Variants in PCDH9 observed in about 807,000 individuals in gnomAD.
PCDH9 encodes protocadherin-9.
A neutral mutation model predicts 70.6 loss-of-function variants in PCDH9; 24 were observed. The ratio of observed to expected loss-of-function variants is 0.34; its 90% CI spans 0.25 to 0.48. The LOEUF (loss-of-function observed/expected upper bound fraction) is 0.48, where lower values mean the gene tolerates loss of function less well. Ranked by LOEUF, PCDH9 falls within the 20% of genes least tolerant of loss-of-function variation. The probability of loss-of-function intolerance (pLI) is 0.99; values close to 1 mark genes in which losing one functional copy is unlikely to be tolerated. For missense variants in PCDH9, 1,281 were observed against 1,503.6 expected (o/e 0.85, Z 2.45); for synonymous variants, 562 against 558.5 (o/e 1.01, Z -0.09).
At chr13:66,592,398 TA>T (rs2077049906) in intron 4 of PCDH9, among the ~76,000 whole-genome samples, 1 of 151,716 alleles carries the variant, frequency 6.6e-6, no homozygotes, top group African/African-American at 2.4e-5. Context: ...ATTTAATAGT[TA>T]ATTGATGGTT....
intron 2 of PCDH9, among the ~76,000 whole-genome samples, chr13:67,190,243 G>T (rs1201392954): frequency 6.6e-6 from 1 of 151,868 alleles, no homozygotes; most frequent in Non-Finnish European, 1.5e-5. Flanking sequence ...TATACTATGG[G>T]TGCTATGCTT....
At chr13:66,938,836 T>C (rs9540949) in intron 2 of PCDH9, among the ~76,000 whole-genome samples, 24,307 of 152,112 alleles carry the variant, frequency 0.16, 2,134 homozygotes, top group Non-Finnish European at 0.18. Context: ...AAACTTCATA[T>C]ATGTAGATCA....
intron 2 of PCDH9, among the ~76,000 whole-genome samples, chr13:67,150,868 C>G (rs369625398): frequency 6.6e-6 from 1 of 152,254 alleles, no homozygotes; most frequent in South Asian, 2.1e-4. Context: ...TCTTTAATCC[C>G]TTTTAATCCA....
intron 4 of PCDH9, among the ~76,000 whole-genome samples, chr13:66,305,269 A>G (rs1004947540): frequency 6.6e-6 from 1 of 152,074 alleles, no homozygotes; most frequent in Non-Finnish European, 1.5e-5. Context: ...TTAGTTATTT[A>G]GATCCAAAGA....
intron 3 of PCDH9, among the ~76,000 whole-genome samples, chr13:66,654,285 T>G (rs1490272118): frequency 1.3e-5 from 2 of 152,040 alleles, no homozygotes; most frequent in African/African-American, 4.8e-5. Context: ...CTCATGGAGA[T>G]AGAGCGTAGA....
intron 4 of PCDH9, among the ~76,000 whole-genome samples, chr13:66,511,222 T>C (rs894144669): frequency 1.3e-5 from 2 of 152,120 alleles, no homozygotes; most frequent in Admixed American, 6.6e-5. Context: ...ATACAAAAAT[T>C]TTTATATTAG....
At chr13:66,453,954 G>A (rs1349839044) in intron 4 of PCDH9, among the ~76,000 whole-genome samples, 1 of 151,968 alleles carries the variant, frequency 6.6e-6, no homozygotes, top group African/African-American at 2.4e-5. Flanking sequence ...TATGATATTT[G>A]TCTTAGGAAT....
At chr13:66,744,962 T>G (rs1372512674) in intron 3 of PCDH9, among the ~76,000 whole-genome samples, 1 of 152,204 alleles carries the variant, frequency 6.6e-6, no homozygotes, top group Admixed American at 6.5e-5. Flanking sequence ...ATTTGTACAT[T>G]CACCTATATG....
At chr13:66,548,889 GT>G (rs1961341486) in intron 4 of PCDH9, among the ~76,000 whole-genome samples, 1 of 151,920 alleles carries the variant, frequency 6.6e-6, no homozygotes, top group African/African-American at 2.4e-5. Flanking sequence ...CATCGATAAT[GT>G]TTTTTATTAA....
At chr13:67,006,380 T>A (rs1410087120) in intron 2 of PCDH9, among the ~76,000 whole-genome samples, 1 of 152,246 alleles carries the variant, frequency 6.6e-6, no homozygotes, top group Non-Finnish European at 1.5e-5. Context: ...AAGAGGCTTC[T>A]GTGATAATCT....
intron 3 of PCDH9, among the ~76,000 whole-genome samples, chr13:66,890,215 T>C (rs1025912236): frequency 6.6e-6 from 1 of 152,168 alleles, no homozygotes; most frequent in Non-Finnish European, 1.5e-5. Flanking sequence ...CATAGCATCA[T>C]TATTCTACTG....
rs1422708848 is a variant in PCDH9, at chr13:67,227,930, T to C, written c.511A>G (p.Thr171Ala). Residue 171 changes from threonine to alanine, a missense_variant, in exon 2 of 5, where the codon ACA becomes GCA. Thr to Ala is a moderately conservative substitution (Grantham distance 58). Transcript: ENST00000377865. The surrounding 1 kb of genome is among the most constrained non-coding windows in gnomAD (Gnocchi z 4.6). ...TAATGCTGTACACCATTGAAGCCTG[T>C]GTCAGGATCTGTTGCTGATGGAATT... ...FPIPSATDPD[T>A]GFNGVQHYEL... The C allele has an allele frequency of 3.7e-6, 6 of 1,614,060 alleles. No homozygotes were observed. The highest frequency in any genetic ancestry group is 5.1e-6 in the Non-Finnish European group (6 of 1,180,048).
intron 4 of PCDH9, among the ~76,000 whole-genome samples, chr13:66,577,059 T>G (rs2138765411): frequency 6.6e-6 from 1 of 152,136 alleles, no homozygotes; most frequent in East Asian, 1.9e-4. Context: ...ATTGACAAAC[T>G]ATCTCACTGA....
intron 4 of PCDH9, among the ~76,000 whole-genome samples, chr13:66,623,075 A>G (rs1432196601): frequency 6.6e-6 from 1 of 152,196 alleles, no homozygotes; most frequent in East Asian, 1.9e-4. Context: ...CTCCGAACAC[A>G]TCCGAACATC....
intron 4 of PCDH9, among the ~76,000 whole-genome samples, chr13:66,469,503 A>G (rs1958576750): frequency 6.7e-6 from 1 of 149,064 alleles, no homozygotes; most frequent in South Asian, 2.2e-4. Context: ...GGAGGGAAGA[A>G]GGAAGGGAGG....
chr13:67,181,349 C>T (rs1468266312), intron 2 of PCDH9, among the ~76,000 whole-genome samples: 1 of 152,018 alleles, frequency 6.6e-6, no homozygotes, highest in Non-Finnish European at 1.5e-5. Flanking sequence ...TTTAGGAAAT[C>T]ATTGGTGTCA....
intron 4 of PCDH9, among the ~76,000 whole-genome samples, chr13:66,325,082 G>A (rs564693992): frequency 3.3e-5 from 5 of 151,912 alleles, no homozygotes; most frequent in African/African-American, 1.2e-4. Flanking sequence ...TAATAATATA[G>A]AAACAATATT....
At chr13:67,124,559 T>C (rs529945608) in intron 2 of PCDH9, among the ~76,000 whole-genome samples, 1 of 152,288 alleles carries the variant, frequency 6.6e-6, no homozygotes, top group South Asian at 2.1e-4. Context: ...TATAAAACAA[T>C]AAACATATTG....
In PCDH9 at chr13:66,878,199, T is replaced by A. The variant is rs1026453894; in HGVS notation, c.3138+25305A>T. Reference sequence around the variant, plus strand: ...AATGTAAGGGCCGTGGGACTAATTTTTTATTATTATTATTTTATTTTTTAT... The same window carrying A: ...AATGTAAGGGCCGTGGGACTAATTTATTATTATTATTATTTTATTTTTTAT... On this transcript the variant is annotated intron_variant, in intron 3 of 4. Transcript: ENST00000377865. Among the ~76,000 whole-genome samples, 26 of 151,720 alleles carry A rather than the reference T, an allele frequency of 1.7e-4. 1 individual carries two copies. The East Asian group carries it at 4.8e-3, about 28-fold the overall frequency.
Sources: allele counts gnomAD v4.1 joint callset (sites outside exome capture counted in the v4.1 genomes callset), GRCh38; gene constraint gnomAD v4.1.1; non-coding constraint Gnocchi (gnomAD v3.1); transcripts MANE v1.5; gene names NCBI Gene and HGNC (gene_info 2026-07-23, HGNC 2026-07-21).